The following KHDRBS2 variants were observed in gnomAD, a reference collection of about 807,000 sequenced individuals.
KHDRBS2 encodes KH domain-containing, RNA-binding, signal transduction-associated protein 2.
Under a neutral mutation model 44.3 loss-of-function variants are expected in KHDRBS2, and 26 were observed. That is an observed-to-expected ratio of 0.59 (90% CI 0.43 to 0.81). KHDRBS2 has a LOEUF of 0.81. Among genes scored for constraint, KHDRBS2 ranks in the 40% least tolerant of loss-of-function variants. KHDRBS2 has a pLI of 0.00. For synonymous variants in KHDRBS2, 194 were observed against 151.1 expected, an observed-to-expected ratio of 1.28 and a Z score of -2.08; for missense variants, 476 against 433.1, an observed-to-expected ratio of 1.10 and a Z score of -0.88.
chr6:62,147,839 A>G (rs1305632723), intron 2 of KHDRBS2, among the ~76,000 whole-genome samples: 2 of 151,944 alleles, frequency 1.3e-5, no homozygotes, highest in Admixed American at 1.3e-4. Flanking sequence ...GTTGCCTGAG[A>G]AGATCAGATA....
chr6:61,742,157 C>G (rs1372994178), intron 6 of KHDRBS2, among the ~76,000 whole-genome samples: 1 of 151,918 alleles, frequency 6.6e-6, no homozygotes, highest in Non-Finnish European at 1.5e-5. Flanking sequence ...TTTGCAAATG[C>G]TGCCCTTTAA....
chr6:62,092,968 AGTTTTATATTATG>A (rs1269133162), intron 2 of KHDRBS2, among the ~76,000 whole-genome samples: 1 of 152,056 alleles, frequency 6.6e-6, no homozygotes, highest in East Asian at 1.9e-4. Flanking sequence ...AGATTAAATG[AGTTTTATATTATG>A]GTTTTATTTA....
chr6:61,763,931 G>C (rs1474256178), intron 6 of KHDRBS2, among the ~76,000 whole-genome samples: 1 of 152,090 alleles, frequency 6.6e-6, no homozygotes, highest in Admixed American at 6.6e-5. Context: ...CCATCACCTA[G>C]TTATTAAGCC....
rs1472442672 is a variant in KHDRBS2 at position 61,824,484 on chromosome 6, G to GAACT, written c.810+70147_810+70150dup. On this transcript the variant is annotated intron_variant, in intron 6 of 8. Coordinates refer to ENST00000281156, the MANE Select transcript of KHDRBS2 (RefSeq NM_152688.4). ...AGCCATGCTTCTTGTTAAGCCTGTG[G>GAACT]AACTGTGAGTCAATTAACCCTCCTG... is the stretch of plus-strand genomic sequence containing the variant. 4.6e-5 allele frequency among the ~76,000 whole-genome samples: 7 copies of GAACT among 152,134 alleles called. No homozygotes were observed. The East Asian group carries it at 1.4e-3, about 30-fold the overall frequency.
At chr6:62,228,482 T>C (rs910063664) in intron 1 of KHDRBS2, among the ~76,000 whole-genome samples, 1 of 152,170 alleles carries the variant, frequency 6.6e-6, no homozygotes. Flanking sequence ...AACCAGCCCC[T>C]GGATTCATCG....
chr6:61,946,922 G>T (rs1030872440), intron 4 of KHDRBS2, among the ~76,000 whole-genome samples: 1 of 152,188 alleles, frequency 6.6e-6, no homozygotes, highest in African/African-American at 2.4e-5. Context: ...GGGCGTACAA[G>T]ATTCAGCGGT....
the KHDRBS2 span, among the ~76,000 whole-genome samples, chr6:61,665,771 A>G: frequency 1.2e-4 from 18 of 151,286 alleles, no homozygotes; most frequent in African/African-American, 4.3e-4. Context: ...TTTAATTATA[A>G]AGATTATTCA....
chr6:61,711,754 T>G (rs184402651), intron 7 of KHDRBS2, among the ~76,000 whole-genome samples: 1 of 151,944 alleles, frequency 6.6e-6, no homozygotes, highest in East Asian at 1.9e-4. Flanking sequence ...TGGAATGGTT[T>G]CAGAAGAAAA....
intron 2 of KHDRBS2, among the ~76,000 whole-genome samples, chr6:62,061,854 T>G (rs11961834): frequency 6.7e-6 from 1 of 149,990 alleles, no homozygotes; most frequent in African/African-American, 2.4e-5. Context: ...CCCATATTTC[T>G]TGGAGGCTTT....
At chr6:62,072,621 C>T (rs1795413702) in intron 2 of KHDRBS2, among the ~76,000 whole-genome samples, 1 of 152,074 alleles carries the variant, frequency 6.6e-6, no homozygotes, top group Non-Finnish European at 1.5e-5. Context: ...GTCTTTGGTT[C>T]TGTTTATATG....
chr6:61,561,844 A>G, the KHDRBS2 span, among the ~76,000 whole-genome samples: 3 of 152,074 alleles, frequency 2.0e-5, no homozygotes, highest in African/African-American at 7.2e-5. Context: ...TTTGGTCTTC[A>G]TTTTATGCAA....
intron 4 of KHDRBS2, among the ~76,000 whole-genome samples, chr6:61,954,872 A>G (rs1302529351): frequency 9.8e-6 from 1 of 101,686 alleles, no homozygotes. Flanking sequence ...ACACATACAT[A>G]TGTGTATATA....
intron 6 of KHDRBS2, among the ~76,000 whole-genome samples, chr6:61,829,264 C>G (rs1277571748): frequency 6.6e-6 from 1 of 152,124 alleles, no homozygotes; most frequent in South Asian, 2.1e-4. Flanking sequence ...CGGGTTAAAG[C>G]AATTCTCCTG....
At chr6:61,553,201 G>A in the KHDRBS2 span, among the ~76,000 whole-genome samples, 59 of 152,114 alleles carry the variant, frequency 3.9e-4, no homozygotes, top group African/African-American at 1.3e-3. Context: ...ATTTGTTCAG[G>A]GATTCAATTT....
intron 2 of KHDRBS2, among the ~76,000 whole-genome samples, chr6:62,157,408 G>A (rs1332617333): frequency 4.6e-5 from 7 of 152,040 alleles, no homozygotes; most frequent in Admixed American, 4.6e-4. Context: ...CATAGTTCTG[G>A]AACTACTCAA....
At chr6:62,280,164 C>T (rs376170930) in intron 1 of KHDRBS2, among the ~76,000 whole-genome samples, 9 of 152,006 alleles carry the variant, frequency 5.9e-5, no homozygotes, top group East Asian at 1.9e-4. Context: ...TTTGGTATAC[C>T]TGAGAGAAAT....
chr6:61,869,720 G>C (rs2127301372), intron 6 of KHDRBS2, among the ~76,000 whole-genome samples: 1 of 152,246 alleles, frequency 6.6e-6, no homozygotes, highest in African/African-American at 2.4e-5. Context: ...AGCCGAAGCA[G>C]GGTGGGGTGT....
intron 4 of KHDRBS2, among the ~76,000 whole-genome samples, chr6:61,932,658 G>A (rs912894821): frequency 1.3e-5 from 2 of 152,082 alleles, no homozygotes; most frequent in African/African-American, 2.4e-5. Flanking sequence ...AAATTAGCCG[G>A]GCGTGGTGGT....
At chr6:61,993,639 T>TC (rs1311183628) in intron 3 of KHDRBS2, among the ~76,000 whole-genome samples, 1 of 72,808 alleles carries the variant, frequency 1.4e-5, no homozygotes, top group Non-Finnish European at 3.1e-5. Context: ...ACTCCTTCAG[T>TC]CCCATAAAAT....
Sources: gnomAD v4.1 joint callset for allele counts (sites outside exome capture counted in the v4.1 genomes callset) on GRCh38, gnomAD v4.1.1 for gene constraint, MANE v1.5 for transcripts, NCBI Gene and HGNC (gene_info 2026-07-23, HGNC 2026-07-21) for gene names.